Variants in TBRG4 observed in about 807,000 individuals in gnomAD.
The protein encoded by TBRG4 is FAST kinase domain-containing protein 4.
In TBRG4, 43 loss-of-function variants were observed where a neutral mutation model predicts 65.6. The ratio of observed to expected loss-of-function variants is 0.66; its 90% confidence interval spans 0.51 to 0.85. TBRG4 has a LOEUF of 0.85. TBRG4 is among the 40% of genes least tolerant of loss of function. TBRG4 has a pLI of 0.00. For synonymous variants in TBRG4, 366 were observed against 341.4 expected (o/e 1.07, Z -0.79); for missense variants, 709 against 787.9 (o/e 0.90, Z 1.20).
chr7:45,111,406 G>A (rs1785119322), intron 1 of TBRG4: 1 of 228,820 alleles, frequency 4.4e-6, no homozygotes, highest in Middle Eastern at 1.4e-3. Context: ...TGGCTCGCTG[G>A]GGTCATGGAC....
chr7:45,101,895 C>T lies in TBRG4; in HGVS notation c.1497G>A (p.Thr499=), dbSNP rs768272355. 7.4e-6 allele frequency: 12 copies of T among 1,611,460 alleles called. No individual in the cohort carries two copies. Among genetic ancestry groups the T allele is most frequent in the Middle Eastern group, 1.7e-4 (1 of 5,900 alleles). The change falls in exon 8 of 11, where the codon ACG becomes ACA. Residue 499 remains threonine (T), a synonymous_variant. Coordinates refer to ENST00000258770, the MANE Select transcript of TBRG4 (RefSeq NM_004749.4). The stretch of plus-strand genomic sequence containing the variant: ...CGGCGCTCCCCAGCAGCCCCTTCAG[C>T]GTCTCCTGCAGCTCCTTTTGCAGGG... ...VTPLQKELQE[T]LKGLLGSADK...
Position 45,101,628 on chromosome 7 carries a change from G to T in TBRG4, c.1568-14C>A. 1 of 1,612,110 alleles carries T rather than the reference G, an allele frequency of 6.2e-7. No individual in the cohort carries two copies. Among genetic ancestry groups the T allele is most frequent in the East Asian group, 2.2e-5 (1 of 44,844 alleles). ...GCACCTCAGCATCTGGGGAAGGGGT[G>T]TGGGATGAGAACATGTTGGGGGACA... On this transcript the variant is annotated splice_polypyrimidine_tract_variant and intron_variant, in intron 8 of 10. Transcript: ENST00000258770.
intron 2 of TBRG4, chr7:45,106,307 A>C: frequency 3.3e-6 from 1 of 300,222 alleles, no homozygotes; most frequent in Non-Finnish European, 6.7e-6. Context: ...GTAGTTGATT[A>C]AAGAGAGACC....
chr7:45,106,077 G>A, intron 2 of TBRG4: 1 of 608,316 alleles, frequency 1.6e-6, no homozygotes, highest in South Asian at 1.4e-5. Context: ...GACAGGGCAG[G>A]CACTGAATTT....
chr7:45,102,148 C>T (rs1444778881), intron 7 of TBRG4, 78 bp from the exon 8 acceptor site: 6 of 1,533,670 alleles, frequency 3.9e-6, no homozygotes, highest in Non-Finnish European at 5.2e-6. Flanking sequence ...GGCAGTGCAC[C>T]CCTACACCCA....
Position 45,100,249 on chromosome 7 carries a change from T to C in TBRG4, c.*76A>G. On this transcript the variant is annotated 3_prime_UTR_variant, in exon 11 of 11. Coordinates refer to ENST00000258770, the MANE Select transcript of TBRG4 (RefSeq NM_004749.4). ...CAAGGTCCTGCACAGAGGTTTGTCCTCAAGGGTGACCCTTCTTGGCCGCCC... is the reference window on the plus strand; with the variant it reads ...CAAGGTCCTGCACAGAGGTTTGTCCCCAAGGGTGACCCTTCTTGGCCGCCC... 7.7e-7 allele frequency: 1 copy of C among 1,295,632 alleles called. No individual in the cohort carries two copies. Among genetic ancestry groups the C allele is most frequent in the Non-Finnish European group, 1.1e-6 (1 of 924,914 alleles). 80.3% of individuals were successfully genotyped at this position (1,295,632 alleles called of 1,614,324 possible). A position where few individuals can be genotyped will look rare whatever the true frequency, so the allele number is the denominator to read the frequency against.
chr7:45,103,190 A>G (rs1031038576), intron 6 of TBRG4, 143 bp downstream of exon 6: 4 of 685,740 alleles, frequency 5.8e-6, no homozygotes, highest in African/African-American at 3.5e-5. Context: ...CCTGGCTCCA[A>G]TCAGTTCCCC....
intron 2 of TBRG4, chr7:45,106,823 T>G (rs1784973895): frequency 6.6e-6 from 1 of 152,198 alleles, no homozygotes; most frequent in African/African-American, 2.4e-5. Flanking sequence ...AAATAATTTG[T>G]TTTTGAGTCA....
intron 10 of TBRG4, among the ~76,000 whole-genome samples, chr7:45,100,648 G>C (rs571911738): frequency 6.6e-6 from 1 of 152,198 alleles, no homozygotes; most frequent in Non-Finnish European, 1.5e-5. Context: ...AGTGCTGGAG[G>C]GGTCTGCAAA....
Position 45,100,372 on chromosome 7 carries a change from G to A in TBRG4, c.1849C>T (p.Leu617Phe). ...ACCGCTTTGCGCATCTTGTCCTTGA[G>A]GTAGGCGCCTTTCTGCCATTCAGAC... is the stretch of plus-strand genomic sequence containing the variant. ...LKSEWQKGAY[L>F]KDKMRKAVAE... The change falls in exon 11 of 11, where the codon CTC (leucine) becomes TTC (phenylalanine). Residue 617 changes from leucine to phenylalanine, a missense_variant. Transcript: ENST00000258770. 1 of 1,614,182 alleles carries A rather than the reference G, an allele frequency of 6.2e-7. No homozygotes were observed. Among genetic ancestry groups the A allele is most frequent in the South Asian group, 1.1e-5 (1 of 91,086 alleles).
Position 45,104,569 on chromosome 7 carries a change from T to C in TBRG4, c.876A>G (p.Lys292=), listed in dbSNP as rs1784876766. The part of the protein sequence containing the change: ...HLVQKPFSLT[K]DVLLDVAYAY... ...CATAGGCCACGTCCAAGAGCACATCTTTCGTCAGAGAGAAGGGCTTCTGCA... is the reference window on the plus strand; with the variant it reads ...CATAGGCCACGTCCAAGAGCACATCCTTCGTCAGAGAGAAGGGCTTCTGCA... Residue 292 remains lysine (K), a synonymous_variant, in exon 4 of 11, where the codon AAA becomes AAG. Transcript: ENST00000258770. 1.2e-6 allele frequency: 2 copies of C among 1,613,838 alleles called. No homozygotes were observed. The highest frequency in any genetic ancestry group is 2.7e-5 in the African/African-American group (2 of 74,938).
At position 45,105,447 on chromosome 7, in the gene TBRG4, T is replaced by C; in HGVS notation, c.729A>G (p.Glu243=). The change falls in exon 3 of 11, where the codon GAA becomes GAG. Residue 243 remains glutamate, a synonymous_variant. Coordinates refer to ENST00000258770, the MANE Select transcript of TBRG4 (RefSeq NM_004749.4). ...HLSEPLMNRL[E]DKCLELVEHF... ...CTGCTTTCAGGCCCAGTACCTTGTC[T>C]TCCAGGCGGTTCATTAGTGGCTCCG... 6.3e-7 allele frequency: 1 copy of C among 1,598,242 alleles called. No homozygotes were observed. The highest frequency in any genetic ancestry group is 2.2e-5 in the East Asian group (1 of 44,716).
At chr7:45,103,516 G>T in intron 5 of TBRG4, 73 bp from the exon 6 acceptor site, 2 of 1,153,632 alleles carry the variant, frequency 1.7e-6, no homozygotes, top group Non-Finnish European at 2.5e-6. Context: ...GCCTGGCTCT[G>T]AGTCTGAGGA....
rs199830235 is a variant in TBRG4 at position 45,104,115 on chromosome 7, A to C, written c.1049T>G (p.Phe350Cys). 1 of 1,609,356 alleles carries C rather than the reference A, an allele frequency of 6.2e-7. No homozygotes were observed. The highest frequency in any genetic ancestry group is 8.5e-7 in the Non-Finnish European group (1 of 1,177,948). ...ALLKWLSLPLFEAFAQHVLNR... is the reference protein window; with the variant it reads ...ALLKWLSLPLCEAFAQHVLNR... ...CTGGCTCACCTGGGCAAAGGCCTCA[A>C]ACAGGGGCAGGCTGAGCCACTTGAG... is the stretch of plus-strand genomic sequence containing the variant. Residue 350 changes from phenylalanine to cysteine, a missense_variant, in exon 5 of 11, where the codon TTT (phenylalanine) becomes TGT (cysteine). Phe to Cys is a radical substitution (Grantham distance 205, BLOSUM62 -2). Coordinates refer to ENST00000258770, the MANE Select transcript of TBRG4 (RefSeq NM_004749.4).
intron 2 of TBRG4, 121 bp from the exon 3 acceptor site, chr7:45,105,885 T>A: frequency 8.3e-7 from 1 of 1,200,154 alleles, no homozygotes; most frequent in Non-Finnish European, 1.2e-6. Context: ...GAGAAGACAG[T>A]ATCAGTTCCC....
Position 45,105,422 on chromosome 7 carries a change from CTG to C in TBRG4, c.735+17_735+18del, listed in dbSNP as rs1784912520. 6.4e-7 allele frequency: 1 copy of C among 1,571,396 alleles called. No homozygotes were observed. ...CCAGGGGAGGCAGGCTGGGTGCCAC[CTG>C]CTTTCAGGCCCAGTACCTTGTCTTC... On this transcript the variant is annotated intron_variant, in intron 3 of 10. Coordinates refer to ENST00000258770, the MANE Select transcript of TBRG4 (RefSeq NM_004749.4).
chr7:45,106,052 C>A (rs1784943630), intron 2 of TBRG4: 1 of 648,484 alleles, frequency 1.5e-6, no homozygotes, highest in Non-Finnish European at 2.9e-6. Context: ...GTCTTCTGGG[C>A]CAGTGCCTAC....
chr7:45,105,793 G>T, intron 2 of TBRG4, 29 bp from the exon 3 acceptor site: 1 of 1,582,040 alleles, frequency 6.3e-7, no homozygotes, highest in Non-Finnish European at 8.6e-7. Context: ...CAGGAGAAAT[G>T]ATGTGGCACT....
Position 45,102,559 on chromosome 7 carries a change from G to A in TBRG4, c.1177-68C>T. 6 of 1,564,036 alleles carry A rather than the reference G, an allele frequency of 3.8e-6. No homozygotes were observed. The South Asian group carries it at 5.9e-5, about 15-fold the overall frequency. On this transcript the variant is annotated intron_variant, in intron 6 of 10. Transcript: ENST00000258770. Reference sequence around the variant, plus strand: ...AGGGGCTGCAAATAGCCATGGGTGAGACACAATCCATGATGTGGTCTTGGC... The same window carrying A: ...AGGGGCTGCAAATAGCCATGGGTGAAACACAATCCATGATGTGGTCTTGGC...
Sources: gnomAD v4.1 joint callset for allele counts (sites outside exome capture counted in the v4.1 genomes callset) on GRCh38, gnomAD v4.1.1 for gene constraint, MANE v1.5 for transcripts, NCBI Gene and HGNC (gene_info 2026-07-23, HGNC 2026-07-21) for gene names.